The following VPS13C variants were observed in gnomAD, a reference collection of about 807,000 sequenced individuals.
VPS13C encodes intermembrane lipid transfer protein VPS13C.
Under a neutral mutation model 456.8 loss-of-function variants are expected in VPS13C, and 358 were observed. That is an observed-to-expected ratio of 0.78 (90% CI 0.72 to 0.86). The LOEUF (loss-of-function observed/expected upper bound fraction) is 0.86. Among genes scored for constraint, VPS13C ranks in the 40% least tolerant of loss-of-function variants. The pLI is 0.00. For missense variants in VPS13C, 4,818 were observed against 4,385.4 expected (o/e 1.10, Z -2.79); for synonymous variants, 1,578 against 1,486.7 (o/e 1.06, Z -1.41).
At chr15:61,966,231 G>A in intron 29 of VPS13C, 89 bp from the exon 30 acceptor site, 12 of 835,452 alleles carry the variant, frequency 1.4e-5, no homozygotes, top group Non-Finnish European at 2.0e-5. Context: ...TTTATTTATA[G>A]TTATAAATGT....
chr15:61,867,671 T>C lies in VPS13C; in HGVS notation c.10863+988A>G. 1 of 1,269,834 alleles carries C rather than the reference T, an allele frequency of 7.9e-7. No individual in the cohort carries two copies. Among genetic ancestry groups the C allele is most frequent in the East Asian group, 3.7e-5 (1 of 26,892 alleles). The allele number at this position is 1,269,834 out of a possible 1,614,324, so 78.7% of individuals were successfully genotyped here. On this transcript the variant is annotated intron_variant, in intron 81 of 84. Coordinates refer to ENST00000644861, the MANE Select transcript of VPS13C (RefSeq NM_020821.3). The surrounding 1 kb of genome is among the most constrained non-coding windows in gnomAD (Gnocchi z 5.0). Reference sequence around the variant, plus strand: ...TGAGCTCAATAAAGGCTTTCATCTATTAAACGCAGAAGAGAGCTGATTCTC... The same window carrying C: ...TGAGCTCAATAAAGGCTTTCATCTACTAAACGCAGAAGAGAGCTGATTCTC...
At chr15:61,987,621 G>A (rs905329568) in intron 18 of VPS13C, among the ~76,000 whole-genome samples, 2 of 152,094 alleles carry the variant, frequency 1.3e-5, no homozygotes, top group Admixed American at 1.3e-4. Flanking sequence ...ATGAGATCTG[G>A]GAGAGGACAC....
In VPS13C at chr15:61,920,317, G is replaced by A; in HGVS notation, c.7227C>T (p.Gly2409=). 1 of 1,597,944 alleles carries A rather than the reference G, an allele frequency of 6.3e-7. No homozygotes were observed. Among genetic ancestry groups the A allele is most frequent in the Non-Finnish European group, 8.6e-7 (1 of 1,169,364 alleles). ...AAGAGTAGTCAAAAGTAGAAGCAGT[G>A]CCCTCTGAAAAACCCTGAAAAGGAA... The part of the protein sequence containing the change: ...FNNLAKGFSE[G]TASTFDYSLK... The change falls in exon 57 of 85, where the codon GGC becomes GGT. Residue 2409 remains glycine (G), a synonymous_variant. Coordinates refer to ENST00000644861, the MANE Select transcript of VPS13C (RefSeq NM_020821.3).
chr15:62,010,840 G>A (rs2047014079), intron 12 of VPS13C, among the ~76,000 whole-genome samples: 2 of 152,116 alleles, frequency 1.3e-5, no homozygotes, highest in African/African-American at 4.8e-5. Context: ...TTCTAGGTAA[G>A]AAATGTATAA....
rs2047534528 is a variant in VPS13C at position 62,023,512 on chromosome 15, T to C, written c.523A>G (p.Lys175Glu). Residue 175 changes from lysine (K) to glutamate (E), a missense_variant, in exon 8 of 85, where the codon AAA (lysine) becomes GAA (glutamate). By Grantham distance (56) the Lys-to-Glu change is moderately conservative (BLOSUM62 1). Transcript: ENST00000644861. ...KGLDRSKDKP[K>E]EAKKDTFVEK... ...ACAAATGTATCCTTTTTGGCTTCTTTTGGCTTATCTATTAAAAAATAGAAA... is the reference window on the plus strand; with the variant it reads ...ACAAATGTATCCTTTTTGGCTTCTTCTGGCTTATCTATTAAAAAATAGAAA... 1.3e-6 allele frequency: 2 copies of C among 1,567,164 alleles called. No homozygotes were observed. The highest frequency in any genetic ancestry group is 2.1e-5 in the Admixed American group (1 of 48,048).
intron 27 of VPS13C, among the ~76,000 whole-genome samples, chr15:61,970,052 C>T (rs549394452): frequency 3.3e-5 from 5 of 152,194 alleles, no homozygotes; most frequent in South Asian, 4.1e-4. Flanking sequence ...TAAAAGACCA[C>T]GAAACTCCTA....
At chr15:61,984,705 A>C (rs1353977330) in intron 19 of VPS13C, 152 bp downstream of exon 19, 1 of 767,136 alleles carries the variant, frequency 1.3e-6, no homozygotes, top group African/African-American at 1.8e-5. Context: ...TCCACAACAA[A>C]ACAAGAGCAA....
In VPS13C at chr15:61,867,911, G is replaced by A; in HGVS notation, c.10863+748C>T. The A allele has an allele frequency of 2.5e-6, 4 of 1,608,190 alleles. No individual in the cohort carries two copies. The highest frequency in any genetic ancestry group is 1.7e-4 in the Middle Eastern group (1 of 6,038). ...TTTTTAAGGATGAAATCAAGTAGTA[G>A]TTTAGGAAACATTTATTCCTGTATT... is the stretch of plus-strand genomic sequence containing the variant. On this transcript the variant is annotated intron_variant, in intron 81 of 84. Coordinates refer to ENST00000644861, the MANE Select transcript of VPS13C (RefSeq NM_020821.3). This position sits in a 1 kb window ranked among gnomAD's most constrained non-coding sequence, Gnocchi z 5.0.
At chr15:61,940,846 G>A (rs930237168) in intron 46 of VPS13C, 52 bp from the exon 47 acceptor site, 8 of 1,550,900 alleles carry the variant, frequency 5.2e-6, no homozygotes, top group Non-Finnish European at 7.0e-6. Flanking sequence ...ATTTTAAAAT[G>A]AGGACTATCC....
Position 61,913,318 on chromosome 15 carries a change from T to G in VPS13C, c.8543A>C (p.Glu2848Ala). The G allele has an allele frequency of 6.2e-7, 1 of 1,613,878 alleles. No homozygotes were observed. The highest frequency in any genetic ancestry group is 2.2e-5 in the East Asian group (1 of 44,856). ...GCVKCPANNMEYLVGVSIKMS... is the reference protein window; with the variant it reads ...GCVKCPANNMAYLVGVSIKMS... ...AAGGAAGCAGAATCTTACCAGGTAC[T>G]CCATATTGTTGGCAGGACACTTCAC... Residue 2848 changes from glutamate (E) to alanine (A), a missense_variant, in exon 62 of 85, where the codon GAG (glutamate) becomes GCG (alanine). Around this residue, in one of 3 missense-constraint regions of VPS13C, gnomAD observed 4,552 missense variants for 4,130.6 expected, o/e 1.10. Transcript: ENST00000644861.
intron 74 of VPS13C, among the ~76,000 whole-genome samples, chr15:61,878,272 A>G (rs1469511354): frequency 1.3e-5 from 2 of 151,850 alleles, no homozygotes; most frequent in Admixed American, 1.3e-4. Context: ...TATTTAATGC[A>G]TATGTATCTA....
intron 66 of VPS13C, among the ~76,000 whole-genome samples, chr15:61,900,224 A>AGG (rs1468159620): frequency 6.6e-6 from 1 of 152,184 alleles, no homozygotes; most frequent in African/African-American, 2.4e-5. Context: ...GCCCTCTCTC[A>AGG]CCACTCCTAT....
chr15:61,865,658 G>T (rs1017092304), intron 81 of VPS13C: 2 of 362,934 alleles, frequency 5.5e-6, no homozygotes, highest in African/African-American at 2.2e-5. Context: ...GTATATATAT[G>T]TATGTGTATA....
At chr15:61,955,234 G>T (rs186290984) in intron 37 of VPS13C, among the ~76,000 whole-genome samples, 1 of 152,234 alleles carries the variant, frequency 6.6e-6, no homozygotes, top group Non-Finnish European at 1.5e-5. Context: ...TATATGGACT[G>T]TTCTATTTAA....
chr15:62,039,592 A>T lies in VPS13C; in HGVS notation c.187+1732T>A, dbSNP rs1212404372. The stretch of plus-strand genomic sequence containing the variant: ...TCAAAAGAAGACATACAAATGGCAA[A>T]CAGGTATATGAAAAGGTGCTCAACA... On this transcript the variant is annotated intron_variant, in intron 3 of 84. Transcript: ENST00000644861. Among the ~76,000 whole-genome samples, 4 of 152,226 alleles carry T rather than the reference A, an allele frequency of 2.6e-5. No homozygotes were observed. In the East Asian group the frequency reaches 7.7e-4, roughly 29 times the overall value.
In VPS13C at chr15:61,875,861, A is replaced by C. The variant is rs1412948203; in HGVS notation, c.10225-16T>G. On this transcript the variant is annotated splice_polypyrimidine_tract_variant and intron_variant, in intron 75 of 84. Coordinates refer to ENST00000644861, the MANE Select transcript of VPS13C (RefSeq NM_020821.3). Reference sequence around the variant, plus strand: ...GTTTCAAGAACTAAAAAAGAAAAAAAATTAAATTAAGTCCTTCACAACTAT... The same window carrying C: ...GTTTCAAGAACTAAAAAAGAAAAAACATTAAATTAAGTCCTTCACAACTAT... 5.3e-6 allele frequency: 8 copies of C among 1,504,138 alleles called. No homozygotes were observed. The highest frequency in any genetic ancestry group is 7.2e-6 in the Non-Finnish European group (8 of 1,111,434). The allele number at this position is 1,504,138 out of a possible 1,614,324, so 93.2% of individuals were successfully genotyped here.
intron 34 of VPS13C, 52 bp from the exon 35 acceptor site, chr15:61,961,945 A>G (rs766954587): frequency 6.5e-7 from 1 of 1,527,938 alleles, no homozygotes; most frequent in Non-Finnish European, 8.8e-7. Context: ...CAGGCACATC[A>G]ATAATAACAC....
intron 53 of VPS13C, among the ~76,000 whole-genome samples, chr15:61,924,378 T>C (rs1228316962): frequency 6.6e-6 from 1 of 152,240 alleles, no homozygotes; most frequent in Non-Finnish European, 1.5e-5. Flanking sequence ...GCCATGCCTC[T>C]AGCACTGAAA....
chr15:61,975,264 G>C (rs540652931), intron 24 of VPS13C, among the ~76,000 whole-genome samples: 1 of 151,688 alleles, frequency 6.6e-6, no homozygotes, highest in Non-Finnish European at 1.5e-5. Context: ...GTAAAAGAAA[G>C]AAATAATAAA....
Sources: allele counts gnomAD v4.1 joint callset (sites outside exome capture counted in the v4.1 genomes callset), GRCh38; gene constraint gnomAD v4.1.1; regional missense constraint gnomAD v4.1.1; non-coding constraint Gnocchi (gnomAD v3.1); transcripts MANE v1.5; gene names NCBI Gene and HGNC (gene_info 2026-07-23, HGNC 2026-07-21).